The following GPC3 variants were observed in gnomAD, a reference collection of about 807,000 sequenced individuals.
GPC3 encodes the protein glypican 3.
In GPC3, 3 loss-of-function variants were observed where a neutral mutation model predicts 34.4. The observed-to-expected ratio is 0.09, with a 90% CI of 0.04 to 0.23. The LOEUF (loss-of-function observed/expected upper bound fraction) is 0.23, where lower values mean the gene tolerates loss of function less well. GPC3 is among the 10% of genes least tolerant of loss of function. GPC3 has a pLI of 1.00. For missense variants in GPC3, 351 were observed against 445.6 expected (o/e 0.79, Z 1.91); for synonymous variants, 177 against 174.0 (o/e 1.02, Z -0.13).
intron 2 of GPC3, among the ~76,000 whole-genome samples, chrX:133,852,342 G>A (rs143312985): frequency 2.0e-3 from 222 of 111,709 alleles, no homozygotes; most frequent in African/African-American, 6.6e-3. Context: ...CTCCAGAAAG[G>A]AGGATGGGAA....
intron 5 of GPC3, among the ~76,000 whole-genome samples, chrX:133,681,358 C>G (rs775848675): frequency 8.9e-6 from 1 of 112,305 alleles, no homozygotes; most frequent in South Asian, 3.8e-4. Flanking sequence ...CTCTACTACA[C>G]TGCCTTAGGT....
At chrX:133,641,487 A>AT (rs751138958) in intron 6 of GPC3, among the ~76,000 whole-genome samples, 35 of 110,653 alleles carry the variant, frequency 3.2e-4, no homozygotes, top group Non-Finnish European at 5.5e-4. Context: ...GAAAAAAAAA[A>AT]CGTCAGGAAA....
intron 2 of GPC3, among the ~76,000 whole-genome samples, chrX:133,895,215 T>G (rs774651990): frequency 9.0e-6 from 1 of 111,696 alleles, no homozygotes; most frequent in Non-Finnish European, 1.9e-5. Context: ...TTCCTTGGAG[T>G]AGCCTATTCT....
intron 7 of GPC3, among the ~76,000 whole-genome samples, chrX:133,580,583 T>C (rs903844571): frequency 1.8e-5 from 2 of 111,949 alleles, no homozygotes; most frequent in Non-Finnish European, 3.8e-5. Context: ...AAAGGTGCTA[T>C]CTCTGCATGT....
chrX:133,709,512 T>C (rs1262373438), intron 3 of GPC3, among the ~76,000 whole-genome samples: 1 of 112,374 alleles, frequency 8.9e-6, no homozygotes, highest in Non-Finnish European at 1.9e-5. Context: ...AAAAACAATA[T>C]ATACATTGAA....
Position 133,536,291 on chromosome X carries a change from G to T in GPC3, c.1576C>A (p.Leu526Met). 8.4e-7 allele frequency: 1 copy of T among 1,195,260 alleles called. No homozygotes were observed. The highest frequency in any genetic ancestry group is 1.1e-6 in the Non-Finnish European group (1 of 880,431). Residue 526 changes from leucine to methionine, a missense_variant and splice_region_variant, in exon 8 of 8, where the codon CTG (leucine) becomes ATG (methionine). By Grantham distance (15) the Leu-to-Met change is conservative. Coordinates refer to ENST00000370818, the MANE Select transcript of GPC3 (RefSeq NM_004484.4). The part of the protein sequence containing the change: ...VKNQLRFLAE[L>M]AYDLDVDDAP... ...TCATCCACATCCAGATCATAGGCCA[G>T]TTCTGTCAATCAAAAGAGAAGGATT...
chrX:133,719,452 C>T (rs2071341172), intron 3 of GPC3, among the ~76,000 whole-genome samples: 1 of 111,041 alleles, frequency 9.0e-6, no homozygotes, highest in Non-Finnish European at 1.9e-5. Flanking sequence ...AAATTTATGG[C>T]TGTATTTTTT....
intron 6 of GPC3, among the ~76,000 whole-genome samples, chrX:133,609,074 G>A (rs2070080039): frequency 1.8e-5 from 2 of 111,904 alleles, no homozygotes; most frequent in Admixed American, 9.5e-5. Flanking sequence ...CAAAGGAATG[G>A]TGCCCTTGTA....
intron 6 of GPC3, among the ~76,000 whole-genome samples, chrX:133,639,267 T>A (rs1036908220): frequency 4.5e-5 from 5 of 112,296 alleles, no homozygotes; most frequent in African/African-American, 6.5e-5. Flanking sequence ...TCATTTCATC[T>A]GTGCTCACAA....
At chrX:133,884,398 T>C (rs778435136) in intron 2 of GPC3, among the ~76,000 whole-genome samples, 1 of 111,599 alleles carries the variant, frequency 9.0e-6, no homozygotes, top group East Asian at 2.8e-4. Context: ...CTAGCTCAAA[T>C]ATTGGATGTC....
chrX:133,569,472 C>T (rs1366998413), intron 7 of GPC3, among the ~76,000 whole-genome samples: 1 of 111,636 alleles, frequency 9.0e-6, no homozygotes, highest in Non-Finnish European at 1.9e-5. Context: ...ACAAGAGCTG[C>T]TTTTCCTTAG....
intron 4 of GPC3, among the ~76,000 whole-genome samples, chrX:133,693,878 T>A (rs1333251192): frequency 9.0e-6 from 1 of 111,428 alleles, no homozygotes; most frequent in Non-Finnish European, 1.9e-5. Context: ...TATGTCTGCC[T>A]TGCAAGCCTG....
intron 6 of GPC3, among the ~76,000 whole-genome samples, chrX:133,604,873 C>CCACAT (rs760612767): frequency 1.3e-4 from 14 of 111,944 alleles, no homozygotes; most frequent in African/African-American, 3.9e-4. Context: ...CTTTCCGTAT[C>CCACAT]CACAGCAATG....
intron 2 of GPC3, among the ~76,000 whole-genome samples, chrX:133,944,377 C>CAAAGGAGAGGA (rs1287915785): frequency 1.8e-5 from 2 of 111,984 alleles, no homozygotes; most frequent in African/African-American, 6.5e-5. Context: ...GAACTCTGAC[C>CAAAGGAGAGGA]AAAGGAGAGG....
intron 2 of GPC3, among the ~76,000 whole-genome samples, chrX:133,754,699 A>C (rs1486655755): frequency 8.9e-6 from 1 of 112,203 alleles, no homozygotes; most frequent in Non-Finnish European, 1.9e-5. Context: ...TCACGAATTT[A>C]ATCATTTTGG....
At chrX:133,694,538 C>A (rs2071095074) in intron 4 of GPC3, among the ~76,000 whole-genome samples, 1 of 110,795 alleles carries the variant, frequency 9.0e-6, no homozygotes, top group Admixed American at 9.6e-5. Flanking sequence ...AGAGTGGAAG[C>A]TGAAAGAGTA....
chrX:133,727,304 G>A (rs899511292), intron 3 of GPC3, among the ~76,000 whole-genome samples: 12 of 111,010 alleles, frequency 1.1e-4, no homozygotes, highest in Admixed American at 3.8e-4. Flanking sequence ...CTAGCACTTC[G>A]GGAGGCTGAG....
At chrX:133,935,814 T>C (rs2076320948) in intron 2 of GPC3, among the ~76,000 whole-genome samples, 1 of 111,482 alleles carries the variant, frequency 9.0e-6, no homozygotes, top group Non-Finnish European at 1.9e-5. Flanking sequence ...TATGTTATAC[T>C]ATGTCAGACC....
chrX:133,704,286 A>G lies in GPC3; in HGVS notation c.1033-4258T>C, dbSNP rs750369829. 15 of 1,041,123 alleles carry G rather than the reference A, an allele frequency of 1.4e-5. No homozygotes were observed. The East Asian group carries it at 5.0e-4, about 35-fold the overall frequency. 85.8% of individuals were successfully genotyped at this position (1,041,123 alleles called of 1,213,427 possible). A position where few individuals can be genotyped will look rare whatever the true frequency, so the allele number is the denominator to read the frequency against. ...TCTTCTCAGTTTCCTTGAAAAAAAA[A>G]AAAAGGTGAAAATTACTTTCTGAAT... is the stretch of plus-strand genomic sequence containing the variant. On this transcript the variant is annotated intron_variant, in intron 3 of 7. Coordinates refer to ENST00000370818, the MANE Select transcript of GPC3 (RefSeq NM_004484.4).
Sources: gnomAD v4.1 joint callset for allele counts (sites outside exome capture counted in the v4.1 genomes callset) on GRCh38, gnomAD v4.1.1 for gene constraint, MANE v1.5 for transcripts, NCBI Gene and HGNC (gene_info 2026-07-23, HGNC 2026-07-21) for gene names.